The following MAPK8IP2 variants were observed in gnomAD, a reference collection of about 807,000 sequenced individuals.
The protein encoded by MAPK8IP2 is mitogen-activated protein kinase 8 interacting protein 2.
A neutral mutation model predicts 75.6 loss-of-function variants in MAPK8IP2; 15 were observed. The ratio of observed to expected loss-of-function variants is 0.20; its 90% CI spans 0.13 to 0.31. The LOEUF (loss-of-function observed/expected upper bound fraction) is 0.31. MAPK8IP2 is among the 10% of genes least tolerant of loss of function. The pLI is 1.00. For synonymous variants in MAPK8IP2, 632 were observed against 554.5 expected (o/e 1.14, Z -1.96); for missense variants, 1,089 against 1,211.2 (o/e 0.90, Z 1.50).
Position 50,604,542 on chromosome 22 carries a change from T to G in MAPK8IP2, c.1243T>G (p.Cys415Gly). The G allele has an allele frequency of 8.6e-7, 1 of 1,159,134 alleles. No homozygotes were observed. Among genetic ancestry groups the G allele is most frequent in the Non-Finnish European group, 1.1e-6 (1 of 945,904 alleles). The allele number at this position is 1,159,134 out of a possible 1,614,324, so 71.8% of individuals were successfully genotyped here. ...GVELVDMETLCAPPPPAPAAP... is the reference protein window; with the variant it reads ...GVELVDMETLGAPPPPAPAAP... ...GGAGCTGGTGGACATGGAGACGCTG[T>G]GCGCGCCGCCGCCGCCCGCGCCCGC... The change falls in exon 5 of 12, where the codon TGC becomes GGC. Residue 415 changes from cysteine (C) to glycine (G), a missense_variant. By Grantham distance (159) the Cys-to-Gly change is radical. Coordinates refer to ENST00000329492, the MANE Select transcript of MAPK8IP2 (RefSeq NM_012324.6).
At position 50,604,084 on chromosome 22, in the gene MAPK8IP2, C is replaced by T. The variant is rs1314214341; in HGVS notation, c.785C>T (p.Ala262Val). The T allele has an allele frequency of 1.7e-5, 27 of 1,544,198 alleles. No homozygotes were observed. Among genetic ancestry groups the T allele is most frequent in the Non-Finnish European group, 2.3e-5 (27 of 1,153,734 alleles). The change falls in exon 5 of 12, where the codon GCG (alanine) becomes GTG (valine). Residue 262 changes from alanine to valine, a missense_variant. Ala to Val is a moderately conservative substitution (Grantham distance 64). Coordinates refer to ENST00000329492, the MANE Select transcript of MAPK8IP2 (RefSeq NM_012324.6). ...TCCGACTCGGAGGACGCGGGCGGCGCGCGCCTGGGGCGCATGATCTCGTCC... is the reference window on the plus strand; with the variant it reads ...TCCGACTCGGAGGACGCGGGCGGCGTGCGCCTGGGGCGCATGATCTCGTCC... ...PGSDSEDAGG[A>V]RLGRMISSIS...
rs2071056750 is a variant in MAPK8IP2, at chr22:50,606,706, T to G, written c.2173T>G (p.Cys725Gly). 1 of 1,597,022 alleles carries G rather than the reference T, an allele frequency of 6.3e-7. No homozygotes were observed. Among genetic ancestry groups the G allele is most frequent in the African/African-American group, 1.3e-5 (1 of 74,588 alleles). Residue 725 changes from cysteine (C) to glycine (G), a missense_variant, in exon 9 of 12, where the codon TGT becomes GGT. This residue lies in a region of MAPK8IP2 where 129 missense variants were observed against 201.7 expected (regional missense o/e 0.64). Coordinates refer to ENST00000329492, the MANE Select transcript of MAPK8IP2 (RefSeq NM_012324.6). ...CGTCCACCTGCGCCCTCCTGCCTCC[T>G]GTGACCTCGAGATCTCTCTTCGGGG... ...LTVHLRPPAS[C>G]DLEISLRGVK...
In MAPK8IP2 at chr22:50,604,121, G is replaced by T. The variant is rs946597997; in HGVS notation, c.822G>T (p.Thr274=). The T allele has an allele frequency of 8.4e-6, 13 of 1,553,854 alleles. No individual in the cohort carries two copies. In the African/African-American group the frequency reaches 1.4e-4, roughly 16 times the overall value. ...LGRMISSISE[T]ELELSSDGGS... ...GCATGATCTCGTCCATCTCGGAGAC[G>T]GAGCTGGAGCTGAGCAGCGATGGCG... Residue 274 remains threonine (T), a synonymous_variant, in exon 5 of 12, where the codon ACG becomes ACT. Transcript: ENST00000329492.
chr22:50,610,315 G>A lies in MAPK8IP2; in HGVS notation c.2402+5G>A. The A allele has an allele frequency of 6.3e-7, 1 of 1,597,788 alleles. No individual in the cohort carries two copies. Among genetic ancestry groups the A allele is most frequent in the East Asian group, 2.3e-5 (1 of 44,250 alleles). On this transcript the variant is annotated splice_donor_5th_base_variant and intron_variant, in intron 11 of 11. Transcript: ENST00000329492. The surrounding 1 kb of genome is among the most constrained non-coding windows in gnomAD (Gnocchi z 4.3). The stretch of plus-strand genomic sequence containing the variant: ...GCCGGTGGCGCAGAGTGTGGGGTGA[G>A]TGGGGCCCCAGGGTGTGGGTGCAGA...
intron 2 of MAPK8IP2, among the ~76,000 whole-genome samples, chr22:50,602,127 G>T (rs1014033121): frequency 6.6e-6 from 1 of 152,116 alleles, no homozygotes; most frequent in Admixed American, 6.6e-5. Flanking sequence ...CGACCCCATC[G>T]GTGGCCAGCC....
Position 50,604,712 on chromosome 22 carries a change from G to C in MAPK8IP2, c.1413G>C (p.Glu471Asp), listed in dbSNP as rs1569064964. The stretch of plus-strand genomic sequence containing the variant: ...GCTCCGCCGCCTGCTCCGAGGAGGA[G>C]GACGAAGAGGACGACGAGGAAGAGG... ...RACSAACSEE[E>D]DEEDDEEEED... The change falls in exon 5 of 12, where the codon GAG (glutamate) becomes GAC (aspartate). Residue 471 changes from glutamate to aspartate, a missense_variant. By Grantham distance (45) the Glu-to-Asp change is conservative. Transcript: ENST00000329492. The C allele has an allele frequency of 6.5e-7, 1 of 1,532,074 alleles. No individual in the cohort carries two copies. Among genetic ancestry groups the C allele is most frequent in the Non-Finnish European group, 8.8e-7 (1 of 1,141,136 alleles). The allele number at this position is 1,532,074 out of a possible 1,614,324, so 94.9% of individuals were successfully genotyped here.
chr22:50,608,075 G>C (rs570496447), intron 10 of MAPK8IP2, among the ~76,000 whole-genome samples: 5 of 152,152 alleles, frequency 3.3e-5, no homozygotes, highest in Non-Finnish European at 5.9e-5. Context: ...AGCAGGGCAC[G>C]GTGCTGCCAG....
Position 50,611,034 on chromosome 22 carries a change from T to G in MAPK8IP2, c.*255T>G. The G allele has an allele frequency of 2.2e-6, 1 of 462,466 alleles. No individual in the cohort carries two copies. Among genetic ancestry groups the G allele is most frequent in the East Asian group, 3.6e-5 (1 of 28,052 alleles). The allele number at this position is 462,466 out of a possible 1,614,324, so 28.6% of individuals were successfully genotyped here. ...TCTCTGTGTTGTCCTCCTCCTTCCC[T>G]TCCCAGTCTCCCTTTTCTCTCTCCT... On this transcript the variant is annotated 3_prime_UTR_variant, in exon 12 of 12. Transcript: ENST00000329492. This position sits in a 1 kb window ranked among gnomAD's most constrained non-coding sequence, Gnocchi z 5.5.
Position 50,610,290 on chromosome 22 carries a change from G to A in MAPK8IP2, c.2382G>A (p.Arg794=). The stretch of plus-strand genomic sequence containing the variant: ...TCTTTGTCTCCCAGGAGTCCATGAG[G>A]CCGGTGGCGCAGAGTGTGGGGTGAG... ...CHVFVSQESM[R]PVAQSVGRAF... is the part of the protein sequence containing the mutation. The change falls in exon 11 of 12, where the codon AGG becomes AGA. Residue 794 remains arginine (R), a synonymous_variant. Coordinates refer to ENST00000329492, the MANE Select transcript of MAPK8IP2 (RefSeq NM_012324.6). This position sits in a 1 kb window ranked among gnomAD's most constrained non-coding sequence, Gnocchi z 4.3. The A allele has an allele frequency of 1.2e-6, 2 of 1,606,270 alleles. No homozygotes were observed. The highest frequency in any genetic ancestry group is 1.7e-6 in the Non-Finnish European group (2 of 1,176,334).
intron 9 of MAPK8IP2, 73 bp downstream of exon 9, chr22:50,606,838 T>A: frequency 6.3e-7 from 1 of 1,594,212 alleles, no homozygotes; most frequent in Admixed American, 1.7e-5. Flanking sequence ...GGGGCCAGGC[T>A]GGCAGGGGTG....
Position 50,603,639 on chromosome 22 carries a change from A to G in MAPK8IP2, c.461A>G (p.Asn154Ser), listed in dbSNP as rs1388694016. 6.3e-7 allele frequency: 1 copy of G among 1,594,508 alleles called. No individual in the cohort carries two copies. Among genetic ancestry groups the G allele is most frequent in the Non-Finnish European group, 8.5e-7 (1 of 1,171,068 alleles). ...TCTCCACCCCAGGACTCCCTAAACAACAACGGAGGCTTTGACCTGGTGCGT... is the reference window on the plus strand; with the variant it reads ...TCTCCACCCCAGGACTCCCTAAACAGCAACGGAGGCTTTGACCTGGTGCGT... ...TTLGAQDSLN[N>S]NGGFDLVRPA... The change falls in exon 4 of 12, where the codon AAC (asparagine) becomes AGC (serine). Residue 154 changes from asparagine (N) to serine (S), a missense_variant. By Grantham distance (46) the Asn-to-Ser change is conservative (BLOSUM62 1). Transcript: ENST00000329492.
rs745949623 is a variant in MAPK8IP2 at position 50,604,958 on chromosome 22, G to A, written c.1659G>A (p.Leu553=). 1 of 1,612,094 alleles carries A rather than the reference G, an allele frequency of 6.2e-7. No homozygotes were observed. The highest frequency in any genetic ancestry group is 8.5e-7 in the Non-Finnish European group (1 of 1,179,698). Residue 553 remains leucine, a synonymous_variant, in exon 5 of 12, where the codon CTG becomes CTA. Coordinates refer to ENST00000329492, the MANE Select transcript of MAPK8IP2 (RefSeq NM_012324.6). ...EASEEEAGAA[L]LGGGQVSGDT... ...GCGAGGAGGAGGCGGGCGCGGCGCT[G>A]CTAGGCGGCGGTCAGGTCTCGGGGG...
In MAPK8IP2 at chr22:50,610,390, A is replaced by G; in HGVS notation, c.2402+80A>G. 8.2e-7 allele frequency: 1 copy of G among 1,214,640 alleles called. No individual in the cohort carries two copies. The highest frequency in any genetic ancestry group is 1.2e-6 in the Non-Finnish European group (1 of 847,664). The allele number at this position is 1,214,640 out of a possible 1,614,324, so 75.2% of individuals were successfully genotyped here. A position where few individuals can be genotyped will look rare whatever the true frequency, so the allele number is the denominator to read the frequency against. On this transcript the variant is annotated intron_variant, in intron 11 of 11. Transcript: ENST00000329492. This position sits in a 1 kb window ranked among gnomAD's most constrained non-coding sequence, Gnocchi z 4.3. ...GGAGCGGAGGTGAGCAGGTGGGGGC[A>G]GGAGCCTGGCAGGGGAGGTCTGGGG...
Position 50,613,169 on chromosome 22 carries a change from C to T in MAPK8IP2, c.*2390C>T, listed in dbSNP as rs1253649207. ...TGGCAGCCGCCCCCTGTGCAGACCA[C>T]TGGGCAGATCCAGCTGACCTCCAGG... On this transcript the variant is annotated 3_prime_UTR_variant, in exon 12 of 12. Coordinates refer to ENST00000329492, the MANE Select transcript of MAPK8IP2 (RefSeq NM_012324.6). The T allele has an allele frequency of 1.3e-5, 2 of 152,420 alleles. No individual in the cohort carries two copies. The highest frequency in any genetic ancestry group is 2.9e-5 in the Non-Finnish European group (2 of 68,246). The allele number at this position is 152,420 out of a possible 1,614,324, so 9.4% of individuals were successfully genotyped here.
intron 1 of MAPK8IP2, 187 bp from the exon 2 acceptor site, chr22:50,601,602 T>A (rs1569062483): frequency 5.3e-6 from 3 of 569,650 alleles, no homozygotes; most frequent in Admixed American, 2.9e-5. Context: ...CTGGCTCAGA[T>A]GGGGGAGGGG....
In MAPK8IP2 at chr22:50,603,416, G is replaced by C; in HGVS notation, c.365G>C (p.Gly122Ala). The change falls in exon 3 of 12, where the codon GGG becomes GCG. Residue 122 changes from glycine (G) to alanine (A), a missense_variant. Coordinates refer to ENST00000329492, the MANE Select transcript of MAPK8IP2 (RefSeq NM_012324.6). ...GDPGSEAPAP[G>A]PLIPSPSVEE... Reference sequence around the variant, plus strand: ...CCTGGCTCAGAGGCACCTGCCCCCGGGCCCCTTATCCCCTCCCCTTCCGTG... The same window carrying C: ...CCTGGCTCAGAGGCACCTGCCCCCGCGCCCCTTATCCCCTCCCCTTCCGTG... The C allele has an allele frequency of 6.4e-7, 1 of 1,565,308 alleles. No individual in the cohort carries two copies. Among genetic ancestry groups the C allele is most frequent in the East Asian group, 2.3e-5 (1 of 42,720 alleles).
chr22:50,606,750 C>T lies in MAPK8IP2; in HGVS notation c.2217C>T (p.Ser739=), dbSNP rs200208943. ...TTCGGGGGGTCAAGCTGAGTCTGAG[C>T]GGAGGAGGGCCCGAGGTGGGAGTGT... ...ISLRGVKLSL[S]GGGPEFQRCS... is the part of the protein sequence containing the mutation. Residue 739 remains serine (S), a synonymous_variant, in exon 9 of 12, where the codon AGC becomes AGT. Coordinates refer to ENST00000329492, the MANE Select transcript of MAPK8IP2 (RefSeq NM_012324.6). 396 of 1,581,872 alleles carry T rather than the reference C, an allele frequency of 2.5e-4. 4 individuals are homozygous for T. In the East Asian group the frequency reaches 4.3e-3, roughly 17 times the overall value.
chr22:50,601,797 A>C lies in MAPK8IP2; in HGVS notation c.74A>C (p.Gln25Pro), dbSNP rs1281407628. The C allele has an allele frequency of 6.2e-6, 10 of 1,613,576 alleles. No homozygotes were observed. The highest frequency in any genetic ancestry group is 7.6e-6 in the Non-Finnish European group (9 of 1,179,652). ...SLSPPGCRPP[Q>P]DISLEEFDDE... ...CCTGGTCTCCTTTCCAGGCCTCCCC[A>C]GGACATAAGCCTGGAAGAATTTGAC... Residue 25 changes from glutamine to proline, a missense_variant, in exon 2 of 12, where the codon CAG becomes CCG. Physicochemically the swap from Gln to Pro is moderately conservative, Grantham distance 76 (BLOSUM62 -1). This residue lies in a region of MAPK8IP2 where 960 missense variants were observed against 1,009.6 expected (regional missense o/e 0.95). Transcript: ENST00000329492.
In MAPK8IP2 at chr22:50,603,935, G is replaced by A. The variant is rs1414898718; in HGVS notation, c.636G>A (p.Ala212=). ...PGCDCEGNRP[A]EPPAPGGTSP... ...GCGACTGCGAAGGGAACCGGCCTGC[G>A]GAACCCCCTGCGCCAGGGGGGACTT... Residue 212 remains alanine, a synonymous_variant, in exon 5 of 12, where the codon GCG becomes GCA. Coordinates refer to ENST00000329492, the MANE Select transcript of MAPK8IP2 (RefSeq NM_012324.6). The A allele has an allele frequency of 3.9e-6, 6 of 1,541,434 alleles. No homozygotes were observed. Among genetic ancestry groups the A allele is most frequent in the Admixed American group, 3.9e-5 (2 of 51,038 alleles).
Sources: allele counts gnomAD v4.1 joint callset (sites outside exome capture counted in the v4.1 genomes callset), GRCh38; gene constraint gnomAD v4.1.1; regional missense constraint gnomAD v4.1.1; non-coding constraint Gnocchi (gnomAD v3.1); transcripts MANE v1.5; gene names NCBI Gene and HGNC (gene_info 2026-07-23, HGNC 2026-07-21).